Variants in RASAL2 observed in about 807,000 individuals in gnomAD.
RASAL2 encodes ras GTPase-activating protein nGAP.
RASAL2 carries 58 observed loss-of-function variants against 128.9 expected under a neutral mutation model. The observed-to-expected ratio is 0.45, with a 90% CI of 0.36 to 0.56. The LOEUF is 0.56. Ranked by LOEUF, RASAL2 falls within the 20% of genes least tolerant of loss-of-function variation. The pLI, the probability that RASAL2 is intolerant of heterozygous loss-of-function variation, is 0.00. For synonymous variants in RASAL2, 561 were observed against 580.8 expected (o/e 0.97, Z 0.49); for missense variants, 1,360 against 1,601.6 (o/e 0.85, Z 2.57).
chr1:178,186,620 C>A (rs1662312009), intron 1 of RASAL2, among the ~76,000 whole-genome samples: 1 of 151,932 alleles, frequency 6.6e-6, no homozygotes, highest in Non-Finnish European at 1.5e-5. Flanking sequence ...CCTATTTGTT[C>A]CCCTGCATGT....
At chr1:178,273,710 G>T (rs1666364668) in intron 1 of RASAL2, among the ~76,000 whole-genome samples, 1 of 152,136 alleles carries the variant, frequency 6.6e-6, no homozygotes, top group African/African-American at 2.4e-5. Flanking sequence ...GCCATCCAAT[G>T]CATTTTCAGG....
intron 1 of RASAL2, among the ~76,000 whole-genome samples, chr1:178,134,347 A>G (rs1660229120): frequency 6.6e-6 from 1 of 151,332 alleles, no homozygotes. Flanking sequence ...AGTCCCAGCT[A>G]CTTGGGAAGC....
In RASAL2 at chr1:178,117,566, A is replaced by T. The variant is rs1372769495; in HGVS notation, c.202+22872A>T. Among the ~76,000 whole-genome samples the T allele has an allele frequency of 2.6e-5, 4 of 152,310 alleles. No individual in the cohort carries two copies. In the East Asian group the frequency reaches 7.7e-4, roughly 29 times the overall value. On this transcript the variant is annotated intron_variant, in intron 1 of 17. Transcript: ENST00000367649. ...GTTAATCACCAATGTGATAGTGTTAAGAGGTGGGGCCTTTAGGAGGTGATT... is the reference window on the plus strand; with the variant it reads ...GTTAATCACCAATGTGATAGTGTTATGAGGTGGGGCCTTTAGGAGGTGATT...
chr1:178,144,413 C>T (rs1660646570), intron 1 of RASAL2, among the ~76,000 whole-genome samples: 1 of 152,130 alleles, frequency 6.6e-6, no homozygotes, highest in Non-Finnish European at 1.5e-5. Flanking sequence ...TCTTCACATT[C>T]TGTATTGATT....
chr1:178,408,175 C>T (rs942616729), intron 4 of RASAL2, among the ~76,000 whole-genome samples: 1 of 152,116 alleles, frequency 6.6e-6, no homozygotes. Context: ...ATGGTAGCAA[C>T]AGCATTTGAA....
intron 1 of RASAL2, among the ~76,000 whole-genome samples, chr1:178,254,446 AT>A (rs1665221045): frequency 6.6e-6 from 1 of 152,262 alleles, no homozygotes; most frequent in Admixed American, 6.5e-5. Context: ...CAGTGAAATT[AT>A]TGAAACTTAT....
At chr1:178,199,127 C>A (rs1399227085) in intron 1 of RASAL2, among the ~76,000 whole-genome samples, 1 of 152,226 alleles carries the variant, frequency 6.6e-6, no homozygotes, top group African/African-American at 2.4e-5. Context: ...GGGATATAAT[C>A]TCCTGGTGTG....
In RASAL2 at chr1:178,464,831, G is replaced by GTTTTTTTTTTTTTTTTTTTTTTTTT. The variant is rs986789340; in HGVS notation, c.3387+420_3387+444dup. Among the ~76,000 whole-genome samples the GTTTTTTTTTTTTTTTTTTTTTTTTT allele has an allele frequency of 1.6e-3, 62 of 38,200 alleles. 6 individuals are homozygous for GTTTTTTTTTTTTTTTTTTTTTTTTT. The highest frequency in any genetic ancestry group is 7.0e-3 in the African/African-American group (58 of 8,236). 25.1% of individuals were successfully genotyped at this position (38,200 alleles called of 152,430 possible). On this transcript the variant is annotated intron_variant, in intron 15 of 17. Transcript: ENST00000367649. Reference sequence around the variant, plus strand: ...TAACAATTAGGTTTTGGTTTTAGTTGTTTTTTTTTTTTTTTTTTTTTTTTT... The same window carrying GTTTTTTTTTTTTTTTTTTTTTTTTT: ...TAACAATTAGGTTTTGGTTTTAGTTGTTTTTTTTTTTTTTTTTTTTTTTTTTTTTTTTTTTTTTTTTTTTTTTTTT...
At chr1:178,419,263 A>T (rs931791610) in intron 4 of RASAL2, among the ~76,000 whole-genome samples, 1 of 151,874 alleles carries the variant, frequency 6.6e-6, no homozygotes, top group African/African-American at 2.4e-5. Context: ...TGCTTGAAAA[A>T]TTTTGTTTTA....
At chr1:178,398,454 G>A (rs1016689113) in intron 4 of RASAL2, among the ~76,000 whole-genome samples, 11 of 152,140 alleles carry the variant, frequency 7.2e-5, no homozygotes, top group Admixed American at 1.3e-4. Flanking sequence ...CTCCATTCTT[G>A]TAAGATGTCC....
chr1:178,115,788 C>T (rs77083827), intron 1 of RASAL2, among the ~76,000 whole-genome samples: 2,827 of 152,204 alleles, frequency 0.019, 87 homozygotes, highest in African/African-American at 0.065. Flanking sequence ...CTGGGTAAAA[C>T]ATGGTGATAA....
chr1:178,189,674 T>C (rs1307728727), intron 1 of RASAL2, among the ~76,000 whole-genome samples: 1 of 152,180 alleles, frequency 6.6e-6, no homozygotes, highest in Non-Finnish European at 1.5e-5. Flanking sequence ...CTGAAAATAA[T>C]CTATACCAGT....
intron 1 of RASAL2, among the ~76,000 whole-genome samples, chr1:178,240,328 G>T (rs1410711434): frequency 1.3e-5 from 2 of 152,030 alleles, no homozygotes; most frequent in African/African-American, 2.4e-5. Flanking sequence ...AATTCTAGAT[G>T]TATCATTTTG....
intron 1 of RASAL2, among the ~76,000 whole-genome samples, chr1:178,113,511 AGTGTGTGTGTGTGTGTGTGTGTGTGTGT>A (rs61642582): frequency 3.3e-5 from 4 of 122,268 alleles, no homozygotes; most frequent in Admixed American, 8.2e-5. Flanking sequence ...CATGCCTGCG[AGTGTGTGTGTGTGTGTGTGTGTGTGTGT>A]GTGTGTGTGT....
At chr1:178,103,479 C>T (rs566229079) in intron 1 of RASAL2, among the ~76,000 whole-genome samples, 14 of 151,988 alleles carry the variant, frequency 9.2e-5, no homozygotes, top group African/African-American at 2.4e-4. Flanking sequence ...GTACTTCGCC[C>T]GCAATATATG....
chr1:178,118,511 A>G (rs915897958), intron 1 of RASAL2, among the ~76,000 whole-genome samples: 28 of 152,142 alleles, frequency 1.8e-4, no homozygotes, highest in Non-Finnish European at 3.4e-4. Context: ...TCTAGCATGG[A>G]CAAAGTCAGT....
At chr1:178,155,937 G>C (rs989056073) in intron 1 of RASAL2, among the ~76,000 whole-genome samples, 5 of 152,158 alleles carry the variant, frequency 3.3e-5, no homozygotes, top group Admixed American at 2.6e-4. Flanking sequence ...CCAGAAACCT[G>C]TTGTAAAACA....
intron 10 of RASAL2, among the ~76,000 whole-genome samples, chr1:178,452,036 G>A (rs1435354445): frequency 6.6e-6 from 1 of 152,100 alleles, no homozygotes; most frequent in Non-Finnish European, 1.5e-5. Flanking sequence ...ATGTGTTCAT[G>A]AATTTTGATC....
At position 178,411,650 on chromosome 1, in the gene RASAL2, G is replaced by C. The variant is rs1021833429; in HGVS notation, c.565-8861G>C. 8.7e-6 allele frequency: 7 copies of C among 804,044 alleles called. No individual in the cohort carries two copies. The Admixed American group carries it at 1.0e-4, about 12-fold the overall frequency. 49.8% of individuals were successfully genotyped at this position (804,044 alleles called of 1,614,324 possible). A position where few individuals can be genotyped will look rare whatever the true frequency, so the allele number is the denominator to read the frequency against. ...AAGGAGAGAAATGTATTTGGTGTCTGCCATATCTTTGCAACCTTCAGTGAC... is the reference window on the plus strand; with the variant it reads ...AAGGAGAGAAATGTATTTGGTGTCTCCCATATCTTTGCAACCTTCAGTGAC... On this transcript the variant is annotated intron_variant, in intron 4 of 17. Coordinates refer to ENST00000367649, the MANE Select transcript of RASAL2 (RefSeq NM_170692.4).
Sources: allele counts gnomAD v4.1 joint callset (sites outside exome capture counted in the v4.1 genomes callset), GRCh38; gene constraint gnomAD v4.1.1; transcripts MANE v1.5; gene names NCBI Gene and HGNC (gene_info 2026-07-23, HGNC 2026-07-21).